HECW1: variants seen among roughly 807,000 people sequenced by gnomAD.
HECW1 encodes E3 ubiquitin-protein ligase HECW1.
A neutral mutation model predicts 182.3 loss-of-function variants in HECW1; 61 were observed. That is an observed-to-expected ratio of 0.33 (90% confidence interval 0.27 to 0.41). The LOEUF (loss-of-function observed/expected upper bound fraction) is 0.41. Among genes scored for constraint, HECW1 ranks in the 10% least tolerant of loss-of-function variants. The pLI is 1.00. For missense variants in HECW1, 1,739 were observed against 2,108.9 expected (o/e 0.82, Z 3.44); for synonymous variants, 859 against 832.6 (o/e 1.03, Z -0.55).
intron 8 of HECW1, 116 bp downstream of exon 8, chr7:43,407,847 G>T: frequency 1.1e-6 from 1 of 920,668 alleles, no homozygotes; most frequent in South Asian, 1.9e-5. Flanking sequence ...TCAATCTATG[G>T]CTGTCATGGT....
At chr7:43,507,988 C>A in intron 22 of HECW1, 30 bp from the exon 23 acceptor site, 3 of 1,510,916 alleles carry the variant, frequency 2.0e-6, no homozygotes, top group Non-Finnish European at 2.8e-6. Flanking sequence ...GACTTCAGGG[C>A]CACTGCTCAC....
chr7:43,551,642 A>G (rs956883547), intron 27 of HECW1, among the ~76,000 whole-genome samples: 2 of 152,228 alleles, frequency 1.3e-5, no homozygotes, highest in African/African-American at 4.8e-5. Flanking sequence ...TCATTCTGAG[A>G]GGGAGCATTA....
chr7:43,218,401 G>A (rs1282143640), intron 2 of HECW1, among the ~76,000 whole-genome samples: 1 of 152,168 alleles, frequency 6.6e-6, no homozygotes, highest in Admixed American at 6.5e-5. Context: ...TCATGGATCT[G>A]AACACAGCAG....
chr7:43,199,462 C>G (rs536179437), intron 2 of HECW1, among the ~76,000 whole-genome samples: 2 of 152,100 alleles, frequency 1.3e-5, no homozygotes, highest in Non-Finnish European at 2.9e-5. Context: ...TTACATTATT[C>G]TTTTCCCCCT....
At chr7:43,306,668 T>C (rs142301844) in intron 3 of HECW1, among the ~76,000 whole-genome samples, 44 of 152,320 alleles carry the variant, frequency 2.9e-4, no homozygotes, top group Non-Finnish European at 5.7e-4. Flanking sequence ...TTTGTCTGCT[T>C]TCTTTTCATT....
chr7:43,426,683 A>G (rs1469274793), intron 8 of HECW1, among the ~76,000 whole-genome samples: 4 of 152,182 alleles, frequency 2.6e-5, no homozygotes, highest in African/African-American at 9.7e-5. Flanking sequence ...ATTGGCTTGT[A>G]AAAGACCAGG....
intron 24 of HECW1, among the ~76,000 whole-genome samples, chr7:43,534,131 G>T (rs537283585): frequency 6.6e-6 from 1 of 152,092 alleles, no homozygotes; most frequent in Admixed American, 6.6e-5. Flanking sequence ...TATCACTTTC[G>T]TATAAAAGGA....
chr7:43,353,743 T>C (rs1312949793), intron 5 of HECW1, among the ~76,000 whole-genome samples: 4 of 152,182 alleles, frequency 2.6e-5, no homozygotes, highest in African/African-American at 4.8e-5. Flanking sequence ...CCACATCATT[T>C]TGGGTTCCCT....
intron 5 of HECW1, among the ~76,000 whole-genome samples, chr7:43,360,360 G>C (rs895341679): frequency 1.3e-5 from 2 of 151,948 alleles, no homozygotes; most frequent in African/African-American, 4.8e-5. Context: ...CTACAGATGC[G>C]TGCTACCACT....
intron 5 of HECW1, among the ~76,000 whole-genome samples, chr7:43,331,238 T>C (rs1170206383): frequency 1.3e-5 from 2 of 151,940 alleles, no homozygotes; most frequent in African/African-American, 4.8e-5. Context: ...ATGTGGTGTT[T>C]GGTTTTCTGT....
chr7:43,422,449 G>A (rs898191631), intron 8 of HECW1, among the ~76,000 whole-genome samples: 1 of 149,108 alleles, frequency 6.7e-6, no homozygotes, highest in Admixed American at 6.8e-5. Context: ...TGCAACCTCC[G>A]TCTCTTGGGT....
At chr7:43,367,447 G>A (rs1816793725) in intron 6 of HECW1, among the ~76,000 whole-genome samples, 1 of 152,196 alleles carries the variant, frequency 6.6e-6, no homozygotes. Flanking sequence ...GACGTCTGAA[G>A]AAGTTATACA....
chr7:43,295,169 T>C (rs1805881836), intron 3 of HECW1, among the ~76,000 whole-genome samples: 1 of 152,120 alleles, frequency 6.6e-6, no homozygotes, highest in African/African-American at 2.4e-5. Context: ...ATGCATTGTC[T>C]CGTGTGAGCA....
Position 43,112,885 on chromosome 7 carries a change from C to T in HECW1, c.-319C>T, listed in dbSNP as rs139919755. On this transcript the variant is annotated 5_prime_UTR_variant, in exon 1 of 30. Transcript: ENST00000395891. ...TGCGGGGCACGTGCGCCCCCCAGCT[C>T]TAATCTGCGCGCTGACAGGAGCATG... is the stretch of plus-strand genomic sequence containing the variant. 1 of 223,034 alleles carries T rather than the reference C, an allele frequency of 4.5e-6. No homozygotes were observed. Among genetic ancestry groups the T allele is most frequent in the Non-Finnish European group, 9.0e-6 (1 of 111,456 alleles). 13.8% of individuals were successfully genotyped at this position (223,034 alleles called of 1,614,324 possible).
At chr7:43,218,732 TA>T (rs1796666197) in intron 2 of HECW1, among the ~76,000 whole-genome samples, 1 of 152,156 alleles carries the variant, frequency 6.6e-6, no homozygotes, top group African/African-American at 2.4e-5. Flanking sequence ...AGAGGTTCAT[TA>T]ATTTGGAGCA....
At chr7:43,440,117 G>A (rs1412276687) in intron 9 of HECW1, 1 of 152,310 alleles carries the variant, frequency 6.6e-6, no homozygotes, top group Non-Finnish European at 1.5e-5. Context: ...TGATGGCCAT[G>A]GAAGCAGTGG....
chr7:43,211,011 G>A (rs111841502), intron 2 of HECW1, among the ~76,000 whole-genome samples: 7 of 152,352 alleles, frequency 4.6e-5, no homozygotes, highest in African/African-American at 1.7e-4. Context: ...GCCTGGGTTT[G>A]TATCCCGGTC....
intron 12 of HECW1, among the ~76,000 whole-genome samples, chr7:43,451,559 C>T (rs903648178): frequency 5.3e-5 from 8 of 152,102 alleles, no homozygotes; most frequent in Non-Finnish European, 1.0e-4. Flanking sequence ...TTCATTTAAT[C>T]TCTCAGGGAC....
intron 5 of HECW1, among the ~76,000 whole-genome samples, chr7:43,325,320 T>G (rs1363328135): frequency 1.3e-5 from 2 of 152,226 alleles, no homozygotes; most frequent in African/African-American, 2.4e-5. Flanking sequence ...TATCATTTTT[T>G]AATACATGCA....
Sources: allele counts gnomAD v4.1 joint callset (sites outside exome capture counted in the v4.1 genomes callset), GRCh38; gene constraint gnomAD v4.1.1; transcripts MANE v1.5; gene names NCBI Gene and HGNC (gene_info 2026-07-23, HGNC 2026-07-21).